The following CCDC198 variants were observed in gnomAD, a reference collection of about 807,000 sequenced individuals.
CCDC198 encodes coiled-coil domain containing 198.
Under a neutral mutation model 35.6 loss-of-function variants are expected in CCDC198, and 18 were observed. That is an observed-to-expected ratio of 0.51 (90% CI 0.35 to 0.75). The LOEUF (loss-of-function observed/expected upper bound fraction) is 0.75, where lower values mean the gene tolerates loss of function less well. CCDC198 is among the 30% of genes least tolerant of loss of function. CCDC198 has a pLI of 0.01. For missense variants in CCDC198, 365 were observed against 343.7 expected, an observed-to-expected ratio of 1.06 and a Z score of -0.49; for synonymous variants, 119 against 113.4, an observed-to-expected ratio of 1.05 and a Z score of -0.31.
At chr14:57,487,853 G>A (rs1225482722) in intron 2 of CCDC198, among the ~76,000 whole-genome samples, 2 of 152,186 alleles carry the variant, frequency 1.3e-5, no homozygotes. Context: ...GCTGGAAAAT[G>A]TGCTGAGCTT....
intron 5 of CCDC198, among the ~76,000 whole-genome samples, chr14:57,479,209 G>C (rs917137407): frequency 2.0e-5 from 3 of 152,132 alleles, no homozygotes; most frequent in Non-Finnish European, 2.9e-5. Context: ...AGAAAGGCTA[G>C]GTAGGCAATG....
intron 5 of CCDC198, chr14:57,479,122 G>C: frequency 6.3e-6 from 6 of 947,624 alleles, no homozygotes; most frequent in Non-Finnish European, 8.8e-6. Flanking sequence ...AGAAAGCATA[G>C]AGCGATCTGA....
rs1566597965 is a variant in CCDC198 at position 57,493,737 on chromosome 14, G to A, written c.-22C>T. 1 of 1,595,172 alleles carries A rather than the reference G, an allele frequency of 6.3e-7. No individual in the cohort carries two copies. Among genetic ancestry groups the A allele is most frequent in the South Asian group, 1.1e-5 (1 of 89,968 alleles). ...CCATTTCATGTGAAAGACATTCAGAGGAAAGCTGCGAGGGAAGTGGTTTTG... is the reference window on the plus strand; with the variant it reads ...CCATTTCATGTGAAAGACATTCAGAAGAAAGCTGCGAGGGAAGTGGTTTTG... On this transcript the variant is annotated 5_prime_UTR_variant, in exon 1 of 6. Coordinates refer to ENST00000216445, the MANE Select transcript of CCDC198 (RefSeq NM_018168.4).
chr14:57,476,796 C>T (rs1413797372), intron 5 of CCDC198, among the ~76,000 whole-genome samples: 1 of 152,148 alleles, frequency 6.6e-6, no homozygotes, highest in African/African-American at 2.4e-5. Flanking sequence ...TGCTTAATGA[C>T]CAGACCCTGA....
chr14:57,485,036 T>C (rs1179072499), intron 2 of CCDC198, among the ~76,000 whole-genome samples: 2 of 152,034 alleles, frequency 1.3e-5, no homozygotes, highest in Non-Finnish European at 2.9e-5. Context: ...GAATGGAGGG[T>C]GTTATCATAC....
At chr14:57,474,704 T>C (rs1323000587) in intron 5 of CCDC198, among the ~76,000 whole-genome samples, 1 of 152,206 alleles carries the variant, frequency 6.6e-6, no homozygotes, top group East Asian at 1.9e-4. Flanking sequence ...CTGTGGTTTA[T>C]AGACTTTAAA....
In CCDC198 at chr14:57,470,080, A is replaced by G. The variant is rs1053448819; in HGVS notation, c.*1275T>C. On this transcript the variant is annotated 3_prime_UTR_variant, in exon 6 of 6. Coordinates refer to ENST00000216445, the MANE Select transcript of CCDC198 (RefSeq NM_018168.4). ...AATAACTTTAGAATTGAACATTTAT[A>G]AGATTCGCTTTATGTTTTAAGGAGC... The G allele has an allele frequency of 2.0e-5, 3 of 152,214 alleles. No individual in the cohort carries two copies. Among genetic ancestry groups the G allele is most frequent in the Non-Finnish European group, 4.4e-5 (3 of 68,032 alleles). The allele number at this position is 152,214 out of a possible 1,614,324, so 9.4% of individuals were successfully genotyped here. A position where few individuals can be genotyped will look rare whatever the true frequency, so the allele number is the denominator to read the frequency against.
At chr14:57,473,393 TCTGCTCCTGG>T (rs2066880091) in intron 5 of CCDC198, among the ~76,000 whole-genome samples, 1 of 152,210 alleles carries the variant, frequency 6.6e-6, no homozygotes, top group African/African-American at 2.4e-5. Context: ...CAAACCTGCT[TCTGCTCCTGG>T]CTACCCTAAT....
At chr14:57,480,054 G>C (rs2067130818) in intron 5 of CCDC198, among the ~76,000 whole-genome samples, 1 of 152,192 alleles carries the variant, frequency 6.6e-6, no homozygotes, top group Non-Finnish European at 1.5e-5. Flanking sequence ...TAGGGAGATA[G>C]GGAAGAGTGA....
At chr14:57,481,233 A>G (rs1239682666) in intron 4 of CCDC198, among the ~76,000 whole-genome samples, 1 of 152,016 alleles carries the variant, frequency 6.6e-6, no homozygotes, top group Non-Finnish European at 1.5e-5. Context: ...ATAAAGAACA[A>G]CTCACCCCCT....
chr14:57,479,103 C>G, intron 5 of CCDC198: 7 of 1,111,978 alleles, frequency 6.3e-6, no homozygotes, highest in Non-Finnish European at 8.5e-6. Flanking sequence ...GTAGACAAGC[C>G]TGTCCATTAG....
intron 2 of CCDC198, among the ~76,000 whole-genome samples, chr14:57,483,586 A>C (rs549226184): frequency 5.9e-5 from 9 of 152,338 alleles, no homozygotes; most frequent in Non-Finnish European, 8.8e-5. Context: ...TCTCTAGAGA[A>C]GCTCCTTAGT....
chr14:57,480,313 T>C lies in CCDC198; in HGVS notation c.655+282A>G, dbSNP rs1015330032. 1.8e-5 allele frequency: 18 copies of C among 985,246 alleles called. No individual in the cohort carries two copies. The African/African-American group carries it at 3.1e-4, about 17-fold the overall frequency. The allele number at this position is 985,246 out of a possible 1,614,324, so 61.0% of individuals were successfully genotyped here. Reference sequence around the variant, plus strand: ...CACAAGATGAGGCTATTTTGCCTTTTCTGCTTCTAGGGATGAGGCAAGACT... The same window carrying C: ...CACAAGATGAGGCTATTTTGCCTTTCCTGCTTCTAGGGATGAGGCAAGACT... On this transcript the variant is annotated intron_variant, in intron 5 of 5. Coordinates refer to ENST00000216445, the MANE Select transcript of CCDC198 (RefSeq NM_018168.4).
Position 57,491,039 on chromosome 14 carries a change from C to A in CCDC198, c.256G>T (p.Glu86Ter), listed in dbSNP as rs2067549065. The A allele has an allele frequency of 1.2e-6, 2 of 1,610,524 alleles. No homozygotes were observed. Among genetic ancestry groups the A allele is most frequent in the Non-Finnish European group, 1.7e-6 (2 of 1,177,572 alleles). Residue 86 changes from glutamate to a stop codon, truncating the protein, a stop_gained, in exon 2 of 6, where the codon GAA (glutamate) becomes TAA (stop). Coordinates refer to ENST00000216445, the MANE Select transcript of CCDC198 (RefSeq NM_018168.4). LOFTEE classifies it high-confidence loss of function. ...TTAATAATACTTGTTTCTCTGTGTTCCAGTGGGATGTCAAAATACATGTCT... is the reference window on the plus strand; with the variant it reads ...TTAATAATACTTGTTTCTCTGTGTTACAGTGGGATGTCAAAATACATGTCT... ...SRDMYFDIPL[E>*]HRETSIIKRH...
Position 57,480,595 on chromosome 14 carries a change from C to T in CCDC198, c.655G>A (p.Gly219Arg), listed in dbSNP as rs563276311. 7.4e-6 allele frequency: 12 copies of T among 1,613,410 alleles called. No homozygotes were observed. The East Asian group carries it at 1.1e-4, about 15-fold the overall frequency. The change falls in exon 5 of 6, where the codon GGA becomes AGA. Residue 219 changes from glycine (G) to arginine (R), a missense_variant and splice_region_variant. Physicochemically the swap from Gly to Arg is moderately radical, Grantham distance 125. Coordinates refer to ENST00000216445, the MANE Select transcript of CCDC198 (RefSeq NM_018168.4). ...TACTAAAAAATTGTACATGACTCAC[C>T]GGGACCTCTGTTCAAGATTTCATCA... ...LPDEILNRGP[G>R]NSKNTEFLKH...
At chr14:57,480,782 A>G (rs200543713) in intron 4 of CCDC198, 28 bp from the exon 5 acceptor site, 6 of 1,611,584 alleles carry the variant, frequency 3.7e-6, no homozygotes, top group East Asian at 2.2e-5. Context: ...TAAATGATCA[A>G]TGTTCTTCCC....
chr14:57,493,745 G>C lies in CCDC198; in HGVS notation c.-30C>G. 6.4e-7 allele frequency: 1 copy of C among 1,558,228 alleles called. No individual in the cohort carries two copies. The highest frequency in any genetic ancestry group is 8.8e-7 in the Non-Finnish European group (1 of 1,133,656). On this transcript the variant is annotated 5_prime_UTR_variant, in exon 1 of 6. Transcript: ENST00000216445. The stretch of plus-strand genomic sequence containing the variant: ...TGTGAAAGACATTCAGAGGAAAGCT[G>C]CGAGGGAAGTGGTTTTGGGGTCTTT...
chr14:57,479,062 C>T (rs906068454), intron 5 of CCDC198: 5 of 1,265,386 alleles, frequency 4.0e-6, no homozygotes, highest in Admixed American at 4.6e-5. Context: ...TAATGGGGCT[C>T]TAATTGGTGG....
In CCDC198 at chr14:57,481,574, G is replaced by A; in HGVS notation, c.480C>T (p.Ile160=). 1 of 1,610,666 alleles carries A rather than the reference G, an allele frequency of 6.2e-7. No homozygotes were observed. Among genetic ancestry groups the A allele is most frequent in the Non-Finnish European group, 8.5e-7 (1 of 1,177,894 alleles). ...YLHKMQVLEM[I]RKRQEAQMEL... ...TCGTATTTACCTCTTGTCTTTTACG[G>A]ATCATTTCCAGCACTTGCATCTTAT... The change falls in exon 4 of 6, where the codon ATC becomes ATT. Residue 160 remains isoleucine (I), a synonymous_variant. Coordinates refer to ENST00000216445, the MANE Select transcript of CCDC198 (RefSeq NM_018168.4).
Sources: allele counts gnomAD v4.1 joint callset (sites outside exome capture counted in the v4.1 genomes callset), GRCh38; gene constraint gnomAD v4.1.1; transcripts MANE v1.5; gene names NCBI Gene and HGNC (gene_info 2026-07-23, HGNC 2026-07-21).